CSMD3: variants seen among roughly 807,000 people sequenced by gnomAD.
The protein encoded by CSMD3 is CUB and Sushi multiple domains 3.
Under a neutral mutation model 435.2 loss-of-function variants are expected in CSMD3, and 177 were observed. The observed-to-expected ratio is 0.41, with a 90% CI of 0.36 to 0.46. The LOEUF is 0.46. Ranked by LOEUF, CSMD3 falls within the 20% of genes least tolerant of loss-of-function variation. CSMD3 has a pLI of 0.34. For missense variants in CSMD3, 4,265 were observed against 4,504.6 expected, an observed-to-expected ratio of 0.95 and a Z score of 1.52; for synonymous variants, 1,656 against 1,520.5, an observed-to-expected ratio of 1.09 and a Z score of -2.07.
intron 32 of CSMD3, among the ~76,000 whole-genome samples, chr8:112,460,177 ATTG>A (rs1338072003): frequency 6.6e-6 from 1 of 152,062 alleles, no homozygotes; most frequent in East Asian, 1.9e-4. Flanking sequence ...GGCAGGAACC[ATTG>A]TTTACATAAC....
intron 5 of CSMD3, among the ~76,000 whole-genome samples, chr8:113,087,134 A>G (rs1019343135): frequency 1.3e-5 from 2 of 152,004 alleles, no homozygotes; most frequent in African/African-American, 2.4e-5. Context: ...CTCATGTTTC[A>G]TTTCCTATGG....
At position 112,289,472 on chromosome 8, in the gene CSMD3, C is replaced by T. The variant is rs1819545846; in HGVS notation, c.9041G>A (p.Gly3014Glu). The T allele has an allele frequency of 1.2e-6, 2 of 1,612,860 alleles. No individual in the cohort carries two copies. The highest frequency in any genetic ancestry group is 1.7e-5 in the Admixed American group (1 of 59,800). The change falls in exon 57 of 71, where the codon GGG (glycine) becomes GAG (glutamate). Residue 3014 changes from glycine to glutamate, a missense_variant. Around this residue, in one of 3 missense-constraint regions of CSMD3, gnomAD observed 3,255 missense variants for 3,380.2 expected, o/e 0.96. Coordinates refer to ENST00000297405, the MANE Select transcript of CSMD3 (RefSeq NM_198123.2). ...TGTGCAGGAATAGTGAACAGTAGAC[C>T]CAAAAGTATACTTCTCGCCAGACAG... ...AVLSGEKYTF[G>E]STVHYSCTGK... is the part of the protein sequence containing the mutation.
At chr8:112,354,079 G>C (rs924556464) in intron 38 of CSMD3, among the ~76,000 whole-genome samples, 1 of 151,982 alleles carries the variant, frequency 6.6e-6, no homozygotes, top group Non-Finnish European at 1.5e-5. Flanking sequence ...CATGTAAATA[G>C]AATTAAAAAT....
chr8:112,385,523 C>T (rs1486509150), intron 36 of CSMD3, among the ~76,000 whole-genome samples: 3 of 148,214 alleles, frequency 2.0e-5, no homozygotes, highest in African/African-American at 7.6e-5. Context: ...GCTCTAAGTA[C>T]AGCACTGCAT....
At chr8:113,075,938 A>G (rs947451576) in intron 5 of CSMD3, among the ~76,000 whole-genome samples, 1 of 151,880 alleles carries the variant, frequency 6.6e-6, no homozygotes, top group Non-Finnish European at 1.5e-5. Context: ...TTAGTCAAAG[A>G]TAATTTAATA....
intron 4 of CSMD3, among the ~76,000 whole-genome samples, chr8:113,112,713 T>C (rs567850762): frequency 3.3e-5 from 5 of 152,132 alleles, no homozygotes; most frequent in Non-Finnish European, 5.9e-5. Flanking sequence ...ATAGTGCTAA[T>C]CACAGTTCTC....
intron 6 of CSMD3, among the ~76,000 whole-genome samples, chr8:113,016,385 T>C (rs1353929487): frequency 6.6e-6 from 1 of 151,826 alleles, no homozygotes; most frequent in East Asian, 1.9e-4. Context: ...AAGGTGGTTA[T>C]ATTTGGGAAA....
At chr8:112,254,715 G>GT (rs1469571877) in intron 62 of CSMD3, among the ~76,000 whole-genome samples, 2 of 152,014 alleles carry the variant, frequency 1.3e-5, no homozygotes, top group South Asian at 4.1e-4. Context: ...AGAAATAACA[G>GT]TTTTTTCCCA....
At chr8:112,899,026 A>G (rs899882364) in intron 10 of CSMD3, among the ~76,000 whole-genome samples, 2 of 151,296 alleles carry the variant, frequency 1.3e-5, no homozygotes, top group African/African-American at 4.8e-5. Flanking sequence ...ACACAAATGC[A>G]TAAGATCAAT....
chr8:112,392,659 C>T (rs571611682), intron 35 of CSMD3, among the ~76,000 whole-genome samples: 8 of 151,110 alleles, frequency 5.3e-5, no homozygotes, highest in Middle Eastern at 3.4e-3. Flanking sequence ...TTTCCTCATA[C>T]GTACTTTTTT....
chr8:113,281,875 T>C (rs1255549338), intron 2 of CSMD3, among the ~76,000 whole-genome samples: 1 of 151,986 alleles, frequency 6.6e-6, no homozygotes, highest in Non-Finnish European at 1.5e-5. Flanking sequence ...GGCTTGATAA[T>C]GTCAAATTCT....
In CSMD3 at chr8:112,620,332, A is replaced by T. The variant is rs541957676; in HGVS notation, c.3715+16485T>A. On this transcript the variant is annotated intron_variant, in intron 22 of 70. Transcript: ENST00000297405. ...TTCCAAATGTAGTAACGGTACTACA[A>T]TGATGTAGGAGAATGGCCTTATTTT... 3.3e-5 allele frequency among the ~76,000 whole-genome samples: 5 copies of T among 152,270 alleles called. No individual in the cohort carries two copies. The East Asian group carries it at 9.7e-4, about 29-fold the overall frequency.
At chr8:113,333,836 A>G (rs1465649911) in intron 1 of CSMD3, among the ~76,000 whole-genome samples, 1 of 151,880 alleles carries the variant, frequency 6.6e-6, no homozygotes, top group Non-Finnish European at 1.5e-5. Context: ...CAAGAATGGC[A>G]TTAAATTTAT....
At chr8:112,678,704 A>C (rs957138191) in intron 16 of CSMD3, among the ~76,000 whole-genome samples, 2 of 131,218 alleles carry the variant, frequency 1.5e-5, no homozygotes, top group Non-Finnish European at 3.2e-5. Flanking sequence ...ATACACAACA[A>C]TCCATATATA....
intron 12 of CSMD3, among the ~76,000 whole-genome samples, chr8:112,817,479 A>T (rs2079407554): frequency 6.6e-6 from 1 of 152,128 alleles, no homozygotes; most frequent in Non-Finnish European, 1.5e-5. Context: ...CCTTTAAAAG[A>T]TTAAAATATT....
At chr8:112,491,765 G>A (rs944050105) in intron 31 of CSMD3, among the ~76,000 whole-genome samples, 1 of 151,876 alleles carries the variant, frequency 6.6e-6, no homozygotes, top group Non-Finnish European at 1.5e-5. Context: ...TTATAAAAAT[G>A]CTGGTCACAA....
chr8:113,076,411 G>A (rs193215734), intron 5 of CSMD3, among the ~76,000 whole-genome samples: 2 of 151,934 alleles, frequency 1.3e-5, no homozygotes, highest in East Asian at 3.9e-4. Flanking sequence ...TAAAGAAAGA[G>A]GGTAATGCCA....
intron 3 of CSMD3, among the ~76,000 whole-genome samples, chr8:113,240,017 C>T (rs1391077456): frequency 2.0e-5 from 3 of 152,046 alleles, no homozygotes; most frequent in Non-Finnish European, 4.4e-5. Flanking sequence ...CCCTCCACCC[C>T]CGATAGGCCC....
chr8:113,250,403 A>G lies in CSMD3; in HGVS notation c.514+28189T>C, dbSNP rs140894481. On this transcript the variant is annotated intron_variant, in intron 3 of 70. Coordinates refer to ENST00000297405, the MANE Select transcript of CSMD3 (RefSeq NM_198123.2). ...AGTGTAGCTCTCTCAAGAAAGAGAG[A>G]TGGAGGAAAAACAATAATTTCACAC... 2.1e-3 allele frequency among the ~76,000 whole-genome samples: 322 copies of G among 152,150 alleles called. 2 individuals carry two copies. Among genetic ancestry groups the G allele is most frequent in the South Asian group, 0.012 (59 of 4,826 alleles).
Sources: allele counts gnomAD v4.1 joint callset (sites outside exome capture counted in the v4.1 genomes callset), GRCh38; gene constraint gnomAD v4.1.1; regional missense constraint gnomAD v4.1.1; transcripts MANE v1.5; gene names NCBI Gene and HGNC (gene_info 2026-07-23, HGNC 2026-07-21).